Variants in CD2 observed in about 807,000 individuals in gnomAD.
CD2 encodes T-cell surface antigen CD2.
A neutral mutation model predicts 23.2 loss-of-function variants in CD2; 18 were observed. That is an observed-to-expected ratio of 0.77 (90% CI 0.54 to 1.15). The LOEUF (loss-of-function observed/expected upper bound fraction) is 1.15. Among genes scored for constraint, CD2 ranks in the 50% most tolerant of loss-of-function variants. CD2 has a pLI of 0.00. For synonymous variants in CD2, 162 were observed against 151.9 expected, an observed-to-expected ratio of 1.07 and a Z score of -0.49; for missense variants, 424 against 423.1, an observed-to-expected ratio of 1.00 and a Z score of -0.02.
intron 2 of CD2, 105 bp downstream of exon 2, chr1:116,755,056 G>C: frequency 1.3e-6 from 1 of 772,604 alleles, no homozygotes; most frequent in South Asian, 1.9e-5. Flanking sequence ...TGCCTCCAGG[G>C]GGGCTATACA....
At chr1:116,760,914 A>T (rs1652029142) in intron 3 of CD2, among the ~76,000 whole-genome samples, 1 of 152,224 alleles carries the variant, frequency 6.6e-6, no homozygotes, top group Non-Finnish European at 1.5e-5. Context: ...AAGAAGGAGG[A>T]GCTGTAGAGA....
At chr1:116,766,773 G>A (rs1462048691) in intron 4 of CD2, among the ~76,000 whole-genome samples, 1 of 152,036 alleles carries the variant, frequency 6.6e-6, no homozygotes, top group African/African-American at 2.4e-5. Flanking sequence ...TGAGGTGGGT[G>A]AATCATTTCA....
Position 116,768,913 on chromosome 1 carries a change from GCCA to G in CD2, c.*133_*135del. 3.3e-6 allele frequency: 3 copies of G among 899,846 alleles called. No homozygotes were observed. The highest frequency in any genetic ancestry group is 3.5e-4 in the Middle Eastern group (1 of 2,834). The allele number at this position is 899,846 out of a possible 1,614,324, so 55.7% of individuals were successfully genotyped here. On this transcript the variant is annotated 3_prime_UTR_variant, in exon 5 of 5. Transcript: ENST00000369478. ...TCACCTCCTGAGGCTGTGGGCCACA[GCCA>G]CCTCTGCATCTTCGAACTCAGCCAT... is the stretch of plus-strand genomic sequence containing the variant.
chr1:116,757,754 G>C, intron 2 of CD2, among the ~76,000 whole-genome samples: 1 of 136,944 alleles, frequency 7.3e-6, no homozygotes, highest in South Asian at 2.6e-4. Flanking sequence ...TATATATATA[G>C]AGAGAGAGAG....
Position 116,760,610 on chromosome 1 carries a change from T to C in CD2, c.591T>C (p.Ser197=), listed in dbSNP as rs918731893. 3.1e-6 allele frequency: 5 copies of C among 1,614,026 alleles called. No individual in the cohort carries two copies. The African/African-American group carries it at 4.0e-5, about 13-fold the overall frequency. The change falls in exon 3 of 5, where the codon AGT becomes AGC. Residue 197 remains serine, a synonymous_variant. Transcript: ENST00000369478. ...GGAACAAAGTCAGCAAGGAATCCAG[T>C]GTCGAGCCTGTCAGCTGTCCAGGTG... ...TAGNKVSKES[S]VEPVSCPEKG... is the part of the protein sequence containing the mutation.
intron 2 of CD2, among the ~76,000 whole-genome samples, chr1:116,758,219 A>G (rs1000505836): frequency 6.6e-6 from 1 of 152,120 alleles, no homozygotes; most frequent in African/African-American, 2.4e-5. Context: ...ATCAGCTTGT[A>G]CAATGATTGG....
At chr1:116,762,707 T>C (rs1221492274) in intron 3 of CD2, among the ~76,000 whole-genome samples, 1 of 152,152 alleles carries the variant, frequency 6.6e-6, no homozygotes, top group Non-Finnish European at 1.5e-5. Context: ...CTCCAAGAGA[T>C]ACTGTTGGAA....
rs1652007373 is a variant in CD2 at position 116,760,437 on chromosome 1, A to G, written c.418A>G (p.Ile140Val). ...AAAACCAAAGATCTCCTGGACTTGT[A>G]TCAACACAACCCTGACCTGTGAGGT... Reference protein sequence around the residue: ...VSKPKISWTCINTTLTCEVMN... With the variant: ...VSKPKISWTCVNTTLTCEVMN... Residue 140 changes from isoleucine (I) to valine (V), a missense_variant, in exon 3 of 5, where the codon ATC (isoleucine) becomes GTC (valine). By Grantham distance (29) the Ile-to-Val change is conservative. Coordinates refer to ENST00000369478, the MANE Select transcript of CD2 (RefSeq NM_001767.5). The G allele has an allele frequency of 5.0e-6, 8 of 1,614,196 alleles. No homozygotes were observed. Among genetic ancestry groups the G allele is most frequent in the South Asian group, 3.3e-5 (3 of 91,080 alleles).
In CD2 at chr1:116,766,568, T is replaced by C. The variant is rs76848735; in HGVS notation, c.737-1896T>C. Among the ~76,000 whole-genome samples the C allele has an allele frequency of 2.2e-3, 328 of 152,214 alleles. 3 individuals are homozygous for C. In the East Asian group the frequency reaches 0.034, roughly 16 times the overall value. On this transcript the variant is annotated intron_variant, in intron 4 of 4. Coordinates refer to ENST00000369478, the MANE Select transcript of CD2 (RefSeq NM_001767.5). ...TTGGAAGGACAAATGAACCAAATGG[T>C]GTATGGGCCAAGTGTGGTGGCTCAT... is the stretch of plus-strand genomic sequence containing the variant.
At chr1:116,762,143 A>C (rs1382118016) in intron 3 of CD2, among the ~76,000 whole-genome samples, 1 of 152,210 alleles carries the variant, frequency 6.6e-6, no homozygotes, top group African/African-American at 2.4e-5. Context: ...GAGATCTTTG[A>C]TTAGAGTTGC....
rs556024138 is a variant in CD2 at position 116,763,851 on chromosome 1, C to G, written c.614-633C>G. ...TAAGCCCACTGCTGTTACTAACGCACTGTGCACCCGGGTTTCTCTCGTGGC... is the reference window on the plus strand; with the variant it reads ...TAAGCCCACTGCTGTTACTAACGCAGTGTGCACCCGGGTTTCTCTCGTGGC... On this transcript the variant is annotated intron_variant, in intron 3 of 4. Coordinates refer to ENST00000369478, the MANE Select transcript of CD2 (RefSeq NM_001767.5). Among the ~76,000 whole-genome samples, 6 of 152,274 alleles carry G rather than the reference C, an allele frequency of 3.9e-5. No individual in the cohort carries two copies. In the South Asian group the frequency reaches 1.2e-3, roughly 32 times the overall value.
At chr1:116,765,228 G>C (rs1402757758) in intron 4 of CD2, among the ~76,000 whole-genome samples, 1 of 152,202 alleles carries the variant, frequency 6.6e-6, no homozygotes, top group African/African-American at 2.4e-5. Context: ...ACCCAAGGCA[G>C]AACACTTCAG....
chr1:116,762,591 C>T (rs1358324425), intron 3 of CD2, among the ~76,000 whole-genome samples: 12 of 152,094 alleles, frequency 7.9e-5, no homozygotes, highest in Non-Finnish European at 1.3e-4. Flanking sequence ...GACCATTTGG[C>T]TCAGATTAGG....
At chr1:116,766,357 A>T (rs142816948) in intron 4 of CD2, among the ~76,000 whole-genome samples, 6 of 152,258 alleles carry the variant, frequency 3.9e-5, no homozygotes, top group Admixed American at 2.0e-4. Flanking sequence ...ATGTGGCTAC[A>T]CCCCATTCCT....
intron 3 of CD2, 80 bp from the exon 4 acceptor site, chr1:116,764,404 A>G (rs1652148203): frequency 1.3e-6 from 2 of 1,557,144 alleles, no homozygotes; most frequent in Admixed American, 1.9e-5. Context: ...TGCTTGATGC[A>G]GGAGGCAGCA....
At chr1:116,768,432 A>G (rs1652282797) in intron 4 of CD2, 32 bp from the exon 5 acceptor site, 1 of 1,594,906 alleles carries the variant, frequency 6.3e-7, no homozygotes, top group Non-Finnish European at 8.6e-7. Flanking sequence ...CACCTGGCCA[A>G]GATGAACTCT....
At chr1:116,759,504 G>A (rs1233050408) in intron 2 of CD2, among the ~76,000 whole-genome samples, 1 of 152,044 alleles carries the variant, frequency 6.6e-6, no homozygotes, top group East Asian at 1.9e-4. Context: ...ATGTAGACCT[G>A]AGCCATCTAA....
chr1:116,764,394 T>A, intron 3 of CD2, 90 bp from the exon 4 acceptor site: 1 of 1,535,934 alleles, frequency 6.5e-7, no homozygotes, highest in South Asian at 1.3e-5. Flanking sequence ...CTCTTCTATC[T>A]GCTTGATGCA....
chr1:116,756,226 T>A (rs1317529956), intron 2 of CD2, among the ~76,000 whole-genome samples: 1 of 152,116 alleles, frequency 6.6e-6, no homozygotes, highest in Non-Finnish European at 1.5e-5. Flanking sequence ...GGGCCTCTGA[T>A]TATGGGCTCT....
Sources: gnomAD v4.1 joint callset for allele counts (sites outside exome capture counted in the v4.1 genomes callset) on GRCh38, gnomAD v4.1.1 for gene constraint, MANE v1.5 for transcripts, NCBI Gene and HGNC (gene_info 2026-07-23, HGNC 2026-07-21) for gene names.